SLC16A7: variants seen among roughly 807,000 people sequenced by gnomAD.
The protein encoded by SLC16A7 is solute carrier family 16 member 7.
SLC16A7 carries 33 observed loss-of-function variants against 34.9 expected under a neutral mutation model. The ratio of observed to expected loss-of-function variants is 0.94; its 90% CI spans 0.72 to 1.26. The LOEUF (loss-of-function observed/expected upper bound fraction) is 1.26. Among genes scored for constraint, SLC16A7 ranks in the 50% most tolerant of loss-of-function variants. The pLI is 0.00. For synonymous variants in SLC16A7, 201 were observed against 206.6 expected (o/e 0.97, Z 0.23); for missense variants, 573 against 578.1 (o/e 0.99, Z 0.09).
chr12:59,731,216 C>T (rs1876914976), intron 3 of SLC16A7, among the ~76,000 whole-genome samples: 1 of 152,108 alleles, frequency 6.6e-6, no homozygotes, highest in African/African-American at 2.4e-5. Flanking sequence ...TAAGAAACTG[C>T]TCTTAAGACC....
chr12:59,705,105 T>TA (rs1873414771), intron 3 of SLC16A7, 87 bp downstream of exon 3: 1 of 874,658 alleles, frequency 1.1e-6, no homozygotes, highest in Admixed American at 2.0e-5. Flanking sequence ...CTTGGTATAT[T>TA]AAAACCCTGT....
chr12:59,779,542 A>G lies in SLC16A7; in HGVS notation c.1300A>G (p.Lys434Glu). 5 of 1,613,086 alleles carry G rather than the reference A, an allele frequency of 3.1e-6. No individual in the cohort carries two copies. Among genetic ancestry groups the G allele is most frequent in the Non-Finnish European group, 2.5e-6 (3 of 1,179,492 alleles). The change falls in exon 6 of 6, where the codon AAG becomes GAG. Residue 434 changes from lysine (K) to glutamate (E), a missense_variant. Transcript: ENST00000547379. ...TGCTATCAACTATAGATTGCTTGCA[A>G]AGGAAAGGAAGGAGGAAAATGCAAG... ...GNAINYRLLA[K>E]ERKEENARQK... is the part of the protein sequence containing the mutation.
intron 3 of SLC16A7, among the ~76,000 whole-genome samples, chr12:59,715,870 T>G (rs1357898165): frequency 6.7e-6 from 1 of 149,592 alleles, no homozygotes; most frequent in Non-Finnish European, 1.5e-5. Flanking sequence ...TATTACAGTT[T>G]GTTTATCTGT....
At chr12:59,725,697 C>T (rs10783997) in intron 3 of SLC16A7, among the ~76,000 whole-genome samples, 22,741 of 151,962 alleles carry the variant, frequency 0.15, 2,007 homozygotes, top group Non-Finnish European at 0.19. Context: ...AATGCTTTTA[C>T]TTTTCAATAT....
intron 1 of SLC16A7, among the ~76,000 whole-genome samples, chr12:59,616,419 G>A (rs968290254): frequency 1.3e-4 from 19 of 151,794 alleles, no homozygotes; most frequent in African/African-American, 4.6e-4. Context: ...ACCTAAATTT[G>A]CATTTATTTT....
chr12:59,627,669 G>A (rs76936522), intron 1 of SLC16A7, among the ~76,000 whole-genome samples: 4,628 of 151,462 alleles, frequency 0.031, 80 homozygotes, highest in Non-Finnish European at 0.045. Flanking sequence ...TTTCTCCTTT[G>A]TCTCCTTCAC....
intron 1 of SLC16A7, among the ~76,000 whole-genome samples, chr12:59,652,589 C>A (rs988347420): frequency 1.3e-5 from 2 of 151,900 alleles, no homozygotes; most frequent in Admixed American, 6.6e-5. Flanking sequence ...ATTAAAAATA[C>A]CATACTATTT....
chr12:59,613,083 G>A (rs1450927212), intron 1 of SLC16A7, among the ~76,000 whole-genome samples: 2 of 152,170 alleles, frequency 1.3e-5, no homozygotes, highest in Non-Finnish European at 2.9e-5. Context: ...GACAGATTCT[G>A]GACTGGGTAA....
At chr12:59,679,741 C>A (rs111920959) in intron 2 of SLC16A7, among the ~76,000 whole-genome samples, 10,842 of 151,884 alleles carry the variant, frequency 0.071, 431 homozygotes, top group Middle Eastern at 0.17. Context: ...AATGAAATAC[C>A]AAATAAATAT....
At position 59,732,374 on chromosome 12, in the gene SLC16A7, C is replaced by T. The variant is rs751852672; in HGVS notation, c.217+27356C>T. 5.9e-5 allele frequency among the ~76,000 whole-genome samples: 9 copies of T among 152,212 alleles called. No individual in the cohort carries two copies. The East Asian group carries it at 1.2e-3, about 20-fold the overall frequency. On this transcript the variant is annotated intron_variant, in intron 3 of 5. Transcript: ENST00000547379. ...GGTGGAGGTTGAAGTGAGCCGAGAT[C>T]GCGCCACTGCACTCCAGCCTGGGCG...
intron 2 of SLC16A7, among the ~76,000 whole-genome samples, chr12:59,702,425 T>C (rs887354300): frequency 2.0e-5 from 3 of 152,020 alleles, no homozygotes; most frequent in Non-Finnish European, 4.4e-5. Flanking sequence ...AAGCAAGCTG[T>C]ACACATGCTG....
intron 1 of SLC16A7, among the ~76,000 whole-genome samples, chr12:59,631,288 G>A (rs192380645): frequency 6.6e-6 from 1 of 152,070 alleles, no homozygotes; most frequent in African/African-American, 2.4e-5. Context: ...ACTTTCGCTT[G>A]TAGCAGAATT....
intron 2 of SLC16A7, among the ~76,000 whole-genome samples, chr12:59,704,185 G>A (rs1335026077): frequency 1.7e-5 from 2 of 120,034 alleles, no homozygotes; most frequent in African/African-American, 6.6e-5. Flanking sequence ...GGGCCACAGA[G>A]TGAGACTCTG....
intron 2 of SLC16A7, among the ~76,000 whole-genome samples, chr12:59,671,134 C>A (rs1224279717): frequency 6.6e-6 from 1 of 152,068 alleles, no homozygotes; most frequent in African/African-American, 2.4e-5. Context: ...GTTCTTTATT[C>A]TTCTCTTATG....
At chr12:59,670,124 T>C (rs1274542884) in intron 2 of SLC16A7, among the ~76,000 whole-genome samples, 1 of 152,242 alleles carries the variant, frequency 6.6e-6, no homozygotes, top group Non-Finnish European at 1.5e-5. Context: ...TTCCAGCTTC[T>C]GGTAAACCCA....
chr12:59,617,661 G>C (rs1317792309), intron 1 of SLC16A7, among the ~76,000 whole-genome samples: 1 of 151,860 alleles, frequency 6.6e-6, no homozygotes, highest in East Asian at 1.9e-4. Flanking sequence ...GAATTATATG[G>C]TTTATTAAAA....
intron 1 of SLC16A7, among the ~76,000 whole-genome samples, chr12:59,623,689 G>GT: frequency 6.6e-6 from 1 of 151,634 alleles, no homozygotes; most frequent in East Asian, 1.9e-4. Flanking sequence ...TATTCTGATA[G>GT]TTTATCTGTA....
intron 4 of SLC16A7, among the ~76,000 whole-genome samples, chr12:59,772,215 A>G (rs1882301382): frequency 6.6e-6 from 1 of 152,152 alleles, no homozygotes; most frequent in Non-Finnish European, 1.5e-5. Context: ...AAAAACATGT[A>G]TTGAAGCTTA....
chr12:59,780,624 A>T lies in SLC16A7; in HGVS notation c.*945A>T, dbSNP rs1422414262. ...GTAATCCAGAAAGTAATAATCAGGG[A>T]TTTTATTTTAATCAGGCATCAATCC... On this transcript the variant is annotated 3_prime_UTR_variant, in exon 6 of 6. Transcript: ENST00000547379. The T allele has an allele frequency of 6.6e-6, 1 of 152,128 alleles. No individual in the cohort carries two copies. The highest frequency in any genetic ancestry group is 1.5e-5 in the Non-Finnish European group (1 of 68,014). The allele number at this position is 152,128 out of a possible 1,614,324, so 9.4% of individuals were successfully genotyped here.
Sources: gnomAD v4.1 joint callset for allele counts (sites outside exome capture counted in the v4.1 genomes callset) on GRCh38, gnomAD v4.1.1 for gene constraint, MANE v1.5 for transcripts, NCBI Gene and HGNC (gene_info 2026-07-23, HGNC 2026-07-21) for gene names.